The following CSRNP3 variants were observed in gnomAD, a reference collection of about 807,000 sequenced individuals.
CSRNP3 encodes cysteine/serine-rich nuclear protein 3.
In CSRNP3, 12 loss-of-function variants were observed where a neutral mutation model predicts 48.0. The ratio of observed to expected loss-of-function variants is 0.25; its 90% CI spans 0.16 to 0.41. The LOEUF is 0.41. Ranked by LOEUF, CSRNP3 falls within the 10% of genes least tolerant of loss-of-function variation. The probability of loss-of-function intolerance (pLI) is 1.00; values close to 1 mark genes in which losing one functional copy is unlikely to be tolerated. For missense variants in CSRNP3, 580 were observed against 724.4 expected (o/e 0.80, Z 2.29); for synonymous variants, 263 against 269.7 (o/e 0.98, Z 0.24).
chr2:165,553,064 G>C (rs1052604821), intron 3 of CSRNP3, among the ~76,000 whole-genome samples: 1 of 152,102 alleles, frequency 6.6e-6, no homozygotes, highest in African/African-American at 2.4e-5. Context: ...TTGTGATTAT[G>C]TTCTCCAACC....
intron 3 of CSRNP3, among the ~76,000 whole-genome samples, chr2:165,535,859 A>T (rs1363774759): frequency 6.6e-6 from 1 of 151,802 alleles, no homozygotes; most frequent in Non-Finnish European, 1.5e-5. Context: ...TGACAGTATG[A>T]TATATAGTTA....
chr2:165,554,985 T>A (rs1419991856), intron 3 of CSRNP3, among the ~76,000 whole-genome samples: 1 of 152,180 alleles, frequency 6.6e-6, no homozygotes, highest in African/African-American at 2.4e-5. Context: ...TCCTTGTTAG[T>A]CGTTGAACAT....
chr2:165,667,093 G>GGAAGGAAGGAAGGAA lies in CSRNP3; in HGVS notation c.408+9073_408+9074insGAAGGAAGGAAGGAA, dbSNP rs1352067420. ...AAAGAGAGAGAGAAAGAAAGAGAGA[G>GGAAGGAAGGAAGGAA]AGAGAAAAGGAAGGAAGGAAGGAAA... is the stretch of plus-strand genomic sequence containing the variant. On this transcript the variant is annotated intron_variant, in intron 5 of 6. Coordinates refer to ENST00000651982, the MANE Select transcript of CSRNP3 (RefSeq NM_001172173.2). Among the ~76,000 whole-genome samples the GGAAGGAAGGAAGGAA allele has an allele frequency of 1.2e-4, 16 of 137,994 alleles. 3 individuals carry two copies. The highest frequency in any genetic ancestry group is 3.0e-4 in the Admixed American group (4 of 13,456). 90.5% of individuals were successfully genotyped at this position (137,994 alleles called of 152,430 possible).
At chr2:165,642,992 TAGAG>T (rs1301550280) in intron 4 of CSRNP3, among the ~76,000 whole-genome samples, 1 of 152,174 alleles carries the variant, frequency 6.6e-6, no homozygotes, top group African/African-American at 2.4e-5. Flanking sequence ...GAAAGAGAGA[TAGAG>T]AGAAGATTAT....
At chr2:165,587,478 T>C (rs1014166704) in intron 3 of CSRNP3, among the ~76,000 whole-genome samples, 3 of 152,246 alleles carry the variant, frequency 2.0e-5, no homozygotes, top group African/African-American at 4.8e-5. Context: ...AGTTGAATGA[T>C]CAAGGGGCAG....
chr2:165,613,465 C>G (rs1686173895), intron 4 of CSRNP3, among the ~76,000 whole-genome samples: 1 of 152,106 alleles, frequency 6.6e-6, no homozygotes, highest in East Asian at 1.9e-4. Flanking sequence ...CCCATGAACT[C>G]TTTCCTTAGA....
At chr2:165,524,798 A>G (rs1016631456) in intron 3 of CSRNP3, among the ~76,000 whole-genome samples, 1 of 152,176 alleles carries the variant, frequency 6.6e-6, no homozygotes, top group African/African-American at 2.4e-5. Context: ...AGTAGCATTT[A>G]TTTGTATGAC....
intron 2 of CSRNP3, among the ~76,000 whole-genome samples, chr2:165,506,602 G>A (rs1481751848): frequency 6.6e-6 from 1 of 152,082 alleles, no homozygotes; most frequent in Non-Finnish European, 1.5e-5. Context: ...CTTCCTTTGG[G>A]CCTCCAGTCT....
chr2:165,540,992 C>T (rs1684949290), intron 3 of CSRNP3, among the ~76,000 whole-genome samples: 1 of 151,994 alleles, frequency 6.6e-6, no homozygotes, highest in Admixed American at 6.6e-5. Flanking sequence ...AAGAGTATGG[C>T]CTTCCAAAGA....
intron 1 of CSRNP3, among the ~76,000 whole-genome samples, chr2:165,493,188 C>A (rs552688909): frequency 6.6e-6 from 1 of 151,718 alleles, no homozygotes; most frequent in South Asian, 2.1e-4. Flanking sequence ...GGTGGTCAGT[C>A]CCTAGTTTGC....
chr2:165,631,160 G>A (rs1368545994), intron 4 of CSRNP3, among the ~76,000 whole-genome samples: 1 of 152,198 alleles, frequency 6.6e-6, no homozygotes, highest in African/African-American at 2.4e-5. Flanking sequence ...ACTGGTTCTT[G>A]GTAAACAGCA....
At chr2:165,642,518 C>A (rs1469716064) in intron 4 of CSRNP3, among the ~76,000 whole-genome samples, 1 of 150,810 alleles carries the variant, frequency 6.6e-6, no homozygotes, top group Non-Finnish European at 1.5e-5. Context: ...GTAGACGTGG[C>A]ATTGATAAAA....
At chr2:165,659,408 G>C (rs1687062157) in intron 5 of CSRNP3, among the ~76,000 whole-genome samples, 1 of 152,176 alleles carries the variant, frequency 6.6e-6, no homozygotes, top group African/African-American at 2.4e-5. Flanking sequence ...AACTGAATGG[G>C]TTGTAGGTGA....
chr2:165,538,709 T>C (rs183141382), intron 3 of CSRNP3, among the ~76,000 whole-genome samples: 5 of 152,084 alleles, frequency 3.3e-5, no homozygotes, highest in African/African-American at 9.6e-5. Flanking sequence ...TCCCTTACTT[T>C]CTGTTGAAGT....
At chr2:165,581,563 G>GTC (rs919019758) in intron 3 of CSRNP3, among the ~76,000 whole-genome samples, 1 of 116,356 alleles carries the variant, frequency 8.6e-6, no homozygotes, top group Non-Finnish European at 1.6e-5. Context: ...TTGAGACAGA[G>GTC]TCTCACTCTG....
chr2:165,641,294 G>A (rs1253700447), intron 4 of CSRNP3, among the ~76,000 whole-genome samples: 1 of 152,150 alleles, frequency 6.6e-6, no homozygotes, highest in Non-Finnish European at 1.5e-5. Context: ...TCCCATCCCT[G>A]AAGAGTTCTT....
Position 165,686,277 on chromosome 2 carries a change from T to C in CSRNP3, c.*6524T>C, listed in dbSNP as rs1687629560. ...ATAAGGCCACTACCCCCGACCCTTC[T>C]TGTCAGGGACATGGCTTCCTAATAA... On this transcript the variant is annotated 3_prime_UTR_variant, in exon 7 of 7. Coordinates refer to ENST00000651982, the MANE Select transcript of CSRNP3 (RefSeq NM_001172173.2). 6.6e-6 allele frequency: 1 copy of C among 152,086 alleles called. No homozygotes were observed. The highest frequency in any genetic ancestry group is 6.6e-5 in the Admixed American group (1 of 15,244). The allele number at this position is 152,086 out of a possible 1,614,324, so 9.4% of individuals were successfully genotyped here.
At chr2:165,566,191 T>C (rs1335128101) in intron 3 of CSRNP3, among the ~76,000 whole-genome samples, 1 of 135,090 alleles carries the variant, frequency 7.4e-6, no homozygotes, top group Non-Finnish European at 1.6e-5. Flanking sequence ...GCATTACAAA[T>C]GCACAATCCT....
intron 1 of CSRNP3, among the ~76,000 whole-genome samples, chr2:165,492,462 CT>C (rs1231537445): frequency 6.6e-6 from 1 of 151,974 alleles, no homozygotes; most frequent in Non-Finnish European, 1.5e-5. Context: ...TCCTAGACTG[CT>C]TTTCCCTAAG....
Sources: allele counts gnomAD v4.1 joint callset (sites outside exome capture counted in the v4.1 genomes callset), GRCh38; gene constraint gnomAD v4.1.1; transcripts MANE v1.5; gene names NCBI Gene and HGNC (gene_info 2026-07-23, HGNC 2026-07-21).